DENND2A: variants seen among roughly 807,000 people sequenced by gnomAD.
DENND2A encodes DENN domain-containing protein 2A.
In DENND2A, 53 loss-of-function variants were observed where a neutral mutation model predicts 105.3. That is an observed-to-expected ratio of 0.50 (90% CI 0.40 to 0.63). DENND2A has a LOEUF of 0.63. Ranked by LOEUF, DENND2A falls within the 30% of genes least tolerant of loss-of-function variation. DENND2A has a pLI of 0.00. For missense variants in DENND2A, 1,138 were observed against 1,279.6 expected (o/e 0.89, Z 1.69); for synonymous variants, 522 against 508.4 (o/e 1.03, Z -0.36).
At chr7:140,573,432 CACAGACTGGG>C (rs1289551312) in intron 6 of DENND2A, among the ~76,000 whole-genome samples, 3 of 152,238 alleles carry the variant, frequency 2.0e-5, no homozygotes, top group African/African-American at 7.2e-5. Flanking sequence ...TGTCTCAGAG[CACAGACTGGG>C]ACCTGCCTCT....
intron 1 of DENND2A, among the ~76,000 whole-genome samples, chr7:140,623,000 T>A (rs545333443): frequency 1.3e-4 from 20 of 152,278 alleles, no homozygotes; most frequent in African/African-American, 4.6e-4. Context: ...TGTGAACTGA[T>A]CATTCTCTGC....
At chr7:140,634,192 G>A (rs1800837486) in intron 1 of DENND2A, among the ~76,000 whole-genome samples, 1 of 151,818 alleles carries the variant, frequency 6.6e-6, no homozygotes, top group Non-Finnish European at 1.5e-5. Flanking sequence ...TAGAGACGGG[G>A]TTTCACCGTG....
intron 2 of DENND2A, among the ~76,000 whole-genome samples, chr7:140,604,526 T>C (rs915808429): frequency 6.6e-6 from 1 of 152,248 alleles, no homozygotes; most frequent in Non-Finnish European, 1.5e-5. Flanking sequence ...AATCAGTTTG[T>C]TATCTCACTG....
chr7:140,566,981 G>T, intron 9 of DENND2A, 105 bp downstream of exon 9: 1 of 1,054,280 alleles, frequency 9.5e-7, no homozygotes, highest in Non-Finnish European at 1.3e-6. Flanking sequence ...CAAGATTCTA[G>T]ATGCTAGGTG....
At chr7:140,541,003 C>T (rs944316316) in intron 14 of DENND2A, among the ~76,000 whole-genome samples, 2 of 152,126 alleles carry the variant, frequency 1.3e-5, no homozygotes, top group Non-Finnish European at 2.9e-5. Flanking sequence ...CAGGCGTGAG[C>T]CACTGAGCCT....
intron 12 of DENND2A, among the ~76,000 whole-genome samples, chr7:140,553,882 T>C (rs1053004523): frequency 6.6e-6 from 1 of 152,226 alleles, no homozygotes; most frequent in Non-Finnish European, 1.5e-5. Flanking sequence ...TGGAGTCTCC[T>C]ATGTCTACTT....
intron 9 of DENND2A, among the ~76,000 whole-genome samples, chr7:140,560,464 T>C (rs909115116): frequency 2.1e-4 from 32 of 152,192 alleles, no homozygotes; most frequent in Admixed American, 6.5e-4. Flanking sequence ...CTCTCTCTCT[T>C]TATGATATTC....
chr7:140,539,255 C>G (rs1462425250), intron 14 of DENND2A, among the ~76,000 whole-genome samples: 2 of 152,178 alleles, frequency 1.3e-5, no homozygotes, highest in Non-Finnish European at 2.9e-5. Context: ...TCAGACAGAT[C>G]GAGGTGGATA....
intron 11 of DENND2A, among the ~76,000 whole-genome samples, chr7:140,557,838 G>T (rs1047254984): frequency 6.6e-6 from 1 of 151,742 alleles, no homozygotes; most frequent in Admixed American, 6.6e-5. Flanking sequence ...GCGCCCGGCC[G>T]TATATATTTT....
intron 5 of DENND2A, among the ~76,000 whole-genome samples, chr7:140,582,774 A>C (rs1224922091): frequency 6.6e-6 from 1 of 152,230 alleles, no homozygotes; most frequent in Non-Finnish European, 1.5e-5. Context: ...TGCTTTTCCT[A>C]GGCTGGAAAC....
chr7:140,585,768 A>AACACTGAGGACATTTCCCTTTTCG, intron 4 of DENND2A, 58 bp from the exon 5 acceptor site: 1 of 1,611,354 alleles, frequency 6.2e-7, no homozygotes, highest in South Asian at 1.1e-5. Flanking sequence ...TTCCCTTTTC[A>AACACTGAGGACATTTCCCTTTTCG]AAACACTGAG....
intron 1 of DENND2A, among the ~76,000 whole-genome samples, chr7:140,631,177 C>T (rs1157334261): frequency 6.6e-6 from 1 of 152,130 alleles, no homozygotes; most frequent in Non-Finnish European, 1.5e-5. Flanking sequence ...ACAGACGAAC[C>T]ATTAGTAACC....
At chr7:140,560,210 C>T (rs947990933) in intron 9 of DENND2A, among the ~76,000 whole-genome samples, 2 of 152,174 alleles carry the variant, frequency 1.3e-5, no homozygotes, top group African/African-American at 4.8e-5. Context: ...TTTCGAACTC[C>T]AGGCAAAGAC....
intron 1 of DENND2A, among the ~76,000 whole-genome samples, chr7:140,613,687 CA>C (rs564457639): frequency 1.2e-4 from 17 of 147,604 alleles, no homozygotes; most frequent in South Asian, 4.3e-4. Flanking sequence ...AAAAAACAAA[CA>C]AAAAACTACA....
intron 1 of DENND2A, among the ~76,000 whole-genome samples, chr7:140,624,679 C>G (rs978445076): frequency 5.3e-5 from 8 of 152,056 alleles, no homozygotes; most frequent in African/African-American, 1.7e-4. Flanking sequence ...GTTACACGTT[C>G]CATGTTCTTG....
At chr7:140,638,636 C>T (rs982714537) in intron 1 of DENND2A, among the ~76,000 whole-genome samples, 4 of 152,198 alleles carry the variant, frequency 2.6e-5, no homozygotes, top group African/African-American at 9.6e-5. Context: ...CACCTCTCCC[C>T]GGCATGCACT....
intron 1 of DENND2A, among the ~76,000 whole-genome samples, chr7:140,611,468 G>T (rs1287596380): frequency 6.6e-6 from 1 of 152,148 alleles, no homozygotes; most frequent in African/African-American, 2.4e-5. Flanking sequence ...AGCCTGGGAG[G>T]TTGAGGCTGC....
intron 1 of DENND2A, among the ~76,000 whole-genome samples, chr7:140,610,889 C>T (rs1224438336): frequency 6.6e-6 from 1 of 152,210 alleles, no homozygotes; most frequent in Admixed American, 6.5e-5. Context: ...TGCTGTCTTT[C>T]TTCTGCTGCC....
intron 1 of DENND2A, among the ~76,000 whole-genome samples, chr7:140,634,039 C>A (rs553517177): frequency 6.6e-6 from 1 of 151,096 alleles, no homozygotes; most frequent in East Asian, 1.9e-4. Flanking sequence ...CGCTCTGTCA[C>A]CCAGGATGGA....
Sources: allele counts gnomAD v4.1 joint callset (sites outside exome capture counted in the v4.1 genomes callset), GRCh38; gene constraint gnomAD v4.1.1; transcripts MANE v1.5; gene names NCBI Gene and HGNC (gene_info 2026-07-23, HGNC 2026-07-21).